The following FLI1 variants were observed in gnomAD, a reference collection of about 807,000 sequenced individuals.
The protein encoded by FLI1 is Friend leukemia integration 1 transcription factor.
Under a neutral mutation model 53.1 loss-of-function variants are expected in FLI1, and 13 were observed. The ratio of observed to expected loss-of-function variants is 0.24; its 90% confidence interval spans 0.16 to 0.39. The LOEUF (loss-of-function observed/expected upper bound fraction) is 0.39, where lower values mean the gene tolerates loss of function less well. Ranked by LOEUF, FLI1 falls within the 10% of genes least tolerant of loss-of-function variation. FLI1 has a pLI of 1.00. For synonymous variants in FLI1, 244 were observed against 236.7 expected, an observed-to-expected ratio of 1.03 and a Z score of -0.28; for missense variants, 424 against 600.5, an observed-to-expected ratio of 0.71 and a Z score of 3.07.
intron 3 of FLI1, among the ~76,000 whole-genome samples, chr11:128,769,705 C>T (rs1372341924): frequency 6.6e-6 from 1 of 152,172 alleles, no homozygotes; most frequent in Non-Finnish European, 1.5e-5. Context: ...CCACAAGCAT[C>T]TGACCTAACA....
intron 5 of FLI1, among the ~76,000 whole-genome samples, chr11:128,783,532 T>G (rs931237248): frequency 2.6e-5 from 4 of 152,260 alleles, no homozygotes; most frequent in African/African-American, 9.6e-5. Context: ...AACGCTGAAT[T>G]TCTATGGATT....
In FLI1 at chr11:128,782,009, T is replaced by A; in HGVS notation, c.641T>A (p.Leu214Ter). The A allele has an allele frequency of 6.2e-7, 1 of 1,613,770 alleles. No individual in the cohort carries two copies. The highest frequency in any genetic ancestry group is 8.5e-7 in the Non-Finnish European group (1 of 1,179,684). The change falls in exon 5 of 9, where the codon TTG becomes TAG. Residue 214 changes from leucine (L) to a stop codon, truncating the protein, a stop_gained. Coordinates refer to ENST00000527786, the MANE Select transcript of FLI1 (RefSeq NM_002017.5). LOFTEE classifies it high-confidence loss of function. Reference protein sequence around the residue: ...TTSHTDQSSRLSVKEDPSYDS... With the variant: ...TTSHTDQSSR ...TCCCACACCGACCAATCCTCACGAT[T>A]GAGTGTCAAAGAAGGTAAGTTTGTT... is the stretch of plus-strand genomic sequence containing the variant.
At chr11:128,712,498 C>T (rs569454586) in intron 1 of FLI1, among the ~76,000 whole-genome samples, 1 of 152,148 alleles carries the variant, frequency 6.6e-6, no homozygotes, top group South Asian at 2.1e-4. Context: ...AAAGATATAC[C>T]CGAGATGGGG....
chr11:128,787,695 C>T (rs7926549), intron 5 of FLI1, among the ~76,000 whole-genome samples: 18,800 of 151,970 alleles, frequency 0.12, 3,487 homozygotes, highest in African/African-American at 0.41. Context: ...CAGTTTCTGA[C>T]ACACCAATAA....
At chr11:128,791,755 G>A (rs116843798) in intron 5 of FLI1, among the ~76,000 whole-genome samples, 2,565 of 152,300 alleles carry the variant, frequency 0.017, 33 homozygotes, top group Non-Finnish European at 0.028. Context: ...CTTGGAAGCT[G>A]TGATCAGTCC....
At chr11:128,750,655 G>T (rs2135793579) in intron 1 of FLI1, among the ~76,000 whole-genome samples, 1 of 152,270 alleles carries the variant, frequency 6.6e-6, no homozygotes, top group African/African-American at 2.4e-5. Context: ...AGATGCAATG[G>T]TTTGCTCATC....
intron 1 of FLI1, among the ~76,000 whole-genome samples, chr11:128,697,200 A>G (rs547241146): frequency 6.6e-6 from 1 of 152,344 alleles, no homozygotes; most frequent in African/African-American, 2.4e-5. Context: ...ACCTGGTTTC[A>G]AAAACTGCAT....
At chr11:128,707,450 G>A (rs1446680129) in intron 1 of FLI1, among the ~76,000 whole-genome samples, 1 of 152,174 alleles carries the variant, frequency 6.6e-6, no homozygotes, top group African/African-American at 2.4e-5. Context: ...GAAAGGAGAG[G>A]GAGAAAGAGC....
intron 2 of FLI1, among the ~76,000 whole-genome samples, chr11:128,765,215 C>G (rs560180483): frequency 6.6e-6 from 1 of 152,344 alleles, no homozygotes; most frequent in South Asian, 2.1e-4. Context: ...TGGCTCCTCT[C>G]CTTACAAGGT....
At chr11:128,790,253 ATT>A (rs34130629) in intron 5 of FLI1, among the ~76,000 whole-genome samples, 1 of 141,300 alleles carries the variant, frequency 7.1e-6, no homozygotes, top group Non-Finnish European at 1.5e-5. Context: ...GGAGAGTTGC[ATT>A]TTTTTTTTTT....
chr11:128,685,459 C>T (rs749287103), upstream of FLI1, among the ~76,000 whole-genome samples: 1 of 152,050 alleles, frequency 6.6e-6, no homozygotes, highest in Non-Finnish European at 1.5e-5. Flanking sequence ...TGGTTGCAGT[C>T]GGGAAATGTG....
At chr11:128,700,610 A>G (rs1421404124) in intron 1 of FLI1, among the ~76,000 whole-genome samples, 1 of 152,224 alleles carries the variant, frequency 6.6e-6, no homozygotes, top group Non-Finnish European at 1.5e-5. Context: ...ATGGTGGCTC[A>G]TGCCTGTAAT....
chr11:128,789,831 A>T (rs952630814), intron 5 of FLI1, among the ~76,000 whole-genome samples: 1 of 152,142 alleles, frequency 6.6e-6, no homozygotes, highest in Non-Finnish European at 1.5e-5. Context: ...ACTGTGAGGT[A>T]ATCTCCTGTT....
chr11:128,720,960 C>A (rs1324310055), intron 1 of FLI1, among the ~76,000 whole-genome samples: 1 of 152,174 alleles, frequency 6.6e-6, no homozygotes, highest in Non-Finnish European at 1.5e-5. Context: ...CCGCCTCTGG[C>A]CACCCCCGGC....
intron 2 of FLI1, among the ~76,000 whole-genome samples, 158 bp from the exon 3 acceptor site, chr11:128,767,960 G>A (rs1461608532): frequency 6.6e-6 from 1 of 152,206 alleles, no homozygotes. Flanking sequence ...TGGCAGCATG[G>A]AGGATAGAAA....
intron 1 of FLI1, among the ~76,000 whole-genome samples, chr11:128,747,816 G>A (rs758756343): frequency 2.0e-5 from 3 of 152,224 alleles, no homozygotes; most frequent in Admixed American, 6.5e-5. Context: ...TAAAGAAACA[G>A]AAAGTAAAAC....
intron 1 of FLI1, among the ~76,000 whole-genome samples, chr11:128,708,262 T>C (rs619521): frequency 0.42 from 63,201 of 151,998 alleles, 13,290 homozygotes; most frequent in Admixed American, 0.46. Context: ...AAGCAGTCAG[T>C]TGAGTGGTCA....
intron 1 of FLI1, among the ~76,000 whole-genome samples, chr11:128,698,652 T>G (rs1226193740): frequency 6.6e-6 from 1 of 152,094 alleles, no homozygotes. Context: ...AAATATCATT[T>G]GCTTTTGTTA....
intron 7 of FLI1, among the ~76,000 whole-genome samples, chr11:128,808,193 G>C (rs998031127): frequency 6.6e-6 from 1 of 152,184 alleles, no homozygotes; most frequent in African/African-American, 2.4e-5. Flanking sequence ...TCATATTAAT[G>C]ATGTGGATGA....
Sources: gnomAD v4.1 joint callset for allele counts (sites outside exome capture counted in the v4.1 genomes callset) on GRCh38, gnomAD v4.1.1 for gene constraint, MANE v1.5 for transcripts, NCBI Gene and HGNC (gene_info 2026-07-23, HGNC 2026-07-21) for gene names.